The following KCNK13 variants were observed in gnomAD, a reference collection of about 807,000 sequenced individuals.
KCNK13 encodes potassium two pore domain channel subfamily K member 13.
In KCNK13, 12 loss-of-function variants were observed where a neutral mutation model predicts 23.4. The ratio of observed to expected loss-of-function variants is 0.51; its 90% confidence interval spans 0.33 to 0.83. The LOEUF is 0.83. KCNK13 is among the 40% of genes least tolerant of loss of function. The pLI, the probability that KCNK13 is intolerant of heterozygous loss-of-function variation, is 0.02. For synonymous variants in KCNK13, 231 were observed against 229.5 expected, an observed-to-expected ratio of 1.01 and a Z score of -0.06; for missense variants, 463 against 556.3, an observed-to-expected ratio of 0.83 and a Z score of 1.69.
chr14:90,170,542 A>C (rs1187543147), intron 1 of KCNK13, among the ~76,000 whole-genome samples: 1 of 152,098 alleles, frequency 6.6e-6, no homozygotes, highest in Non-Finnish European at 1.5e-5. Flanking sequence ...TTATTTGCCA[A>C]AGTTAAGCAT....
At chr14:90,138,933 A>T (rs1238830251) in intron 1 of KCNK13, among the ~76,000 whole-genome samples, 2 of 152,206 alleles carry the variant, frequency 1.3e-5, no homozygotes, top group African/African-American at 4.8e-5. Flanking sequence ...GCCAGAAAAA[A>T]ACACATCGAG....
chr14:90,089,985 C>T (rs1200256350), intron 1 of KCNK13, among the ~76,000 whole-genome samples: 3 of 152,152 alleles, frequency 2.0e-5, no homozygotes, highest in Admixed American at 6.5e-5. Context: ...CTTGAAGGGG[C>T]GGGGCTCTCA....
intron 1 of KCNK13, among the ~76,000 whole-genome samples, chr14:90,179,126 TG>T (rs1290453301): frequency 2.6e-5 from 4 of 152,210 alleles, no homozygotes; most frequent in Admixed American, 6.5e-5. Flanking sequence ...CAGTTAAAGA[TG>T]TGTCTTTATT....
At position 90,078,493 on chromosome 14, in the gene KCNK13, G is replaced by A. The variant is rs147652753; in HGVS notation, c.334+15954G>A. ...GGAGGGAAGGAAGGAAGGAAGAAAG[G>A]AGAAAGGAAAGAAAGAAAAAGAAAG... On this transcript the variant is annotated intron_variant, in intron 1 of 1. Coordinates refer to ENST00000282146, the MANE Select transcript of KCNK13 (RefSeq NM_022054.4). Among the ~76,000 whole-genome samples the A allele has an allele frequency of 9.3e-4, 140 of 151,244 alleles. 1 individual carries two copies. Among genetic ancestry groups the A allele is most frequent in the African/African-American group, 3.3e-3 (135 of 41,156 alleles).
intron 1 of KCNK13, among the ~76,000 whole-genome samples, chr14:90,138,806 T>C (rs1336476181): frequency 6.6e-6 from 1 of 152,176 alleles, no homozygotes; most frequent in African/African-American, 2.4e-5. Context: ...TCTTTCCAAT[T>C]TGCACAGATT....
chr14:90,168,915 A>G (rs1890334563), intron 1 of KCNK13, among the ~76,000 whole-genome samples: 1 of 152,150 alleles, frequency 6.6e-6, no homozygotes, highest in African/African-American at 2.4e-5. Flanking sequence ...AGTAAGTCTC[A>G]TGAGATCTGA....
intron 1 of KCNK13, among the ~76,000 whole-genome samples, chr14:90,156,883 T>C (rs1442659910): frequency 1.3e-5 from 2 of 152,168 alleles, no homozygotes; most frequent in Non-Finnish European, 2.9e-5. Context: ...TGACAATATA[T>C]GTCTCAAGGG....
chr14:90,131,103 A>G (rs2140422729), intron 1 of KCNK13, among the ~76,000 whole-genome samples: 1 of 152,312 alleles, frequency 6.6e-6, no homozygotes. Context: ...CCTGGCACAT[A>G]GTAAGGCACT....
intron 1 of KCNK13, among the ~76,000 whole-genome samples, chr14:90,171,221 A>C (rs1890361244): frequency 6.6e-6 from 1 of 152,214 alleles, no homozygotes; most frequent in Non-Finnish European, 1.5e-5. Flanking sequence ...ACTGCTAAGC[A>C]ACAGATTTAT....
intron 1 of KCNK13, among the ~76,000 whole-genome samples, chr14:90,120,423 G>A (rs1190376217): frequency 6.6e-6 from 1 of 152,194 alleles, no homozygotes; most frequent in Non-Finnish European, 1.5e-5. Flanking sequence ...ATAAAGAAAA[G>A]AGGTTTAATT....
intron 1 of KCNK13, among the ~76,000 whole-genome samples, chr14:90,076,666 G>A (rs939232897): frequency 2.6e-5 from 4 of 152,280 alleles, no homozygotes; most frequent in South Asian, 2.1e-4. Context: ...TCAATATTGT[G>A]TAGCAATGAT....
At position 90,067,395 on chromosome 14, in the gene KCNK13, G is replaced by A. The variant is rs113772789; in HGVS notation, c.334+4856G>A. Among the ~76,000 whole-genome samples the A allele has an allele frequency of 2.1e-3, 325 of 152,282 alleles. 3 individuals carry two copies. The highest frequency in any genetic ancestry group is 7.2e-3 in the African/African-American group (298 of 41,554). ...TATCATATGATTCCATTTATATGAGGTACTTAGAATAGGCAAATTCATAGA... is the reference window on the plus strand; with the variant it reads ...TATCATATGATTCCATTTATATGAGATACTTAGAATAGGCAAATTCATAGA... On this transcript the variant is annotated intron_variant, in intron 1 of 1. Transcript: ENST00000282146.
chr14:90,072,432 G>T (rs938407), intron 1 of KCNK13, among the ~76,000 whole-genome samples: 72,420 of 152,008 alleles, frequency 0.48, 18,987 homozygotes, highest in African/African-American at 0.71. Flanking sequence ...GGCATTCAGA[G>T]TCTCACTTTG....
intron 1 of KCNK13, among the ~76,000 whole-genome samples, chr14:90,112,842 T>C (rs1889631432): frequency 1.3e-5 from 2 of 151,672 alleles, no homozygotes; most frequent in African/African-American, 4.8e-5. Context: ...AGCATTCATA[T>C]AGACAAAAAG....
At chr14:90,132,292 C>G (rs1024843762) in intron 1 of KCNK13, among the ~76,000 whole-genome samples, 6 of 152,080 alleles carry the variant, frequency 3.9e-5, no homozygotes, top group Non-Finnish European at 8.8e-5. Context: ...GCCTGTAATC[C>G]CAGCACTTTG....
At chr14:90,135,935 T>C (rs1452797819) in intron 1 of KCNK13, among the ~76,000 whole-genome samples, 1 of 151,994 alleles carries the variant, frequency 6.6e-6, no homozygotes, top group Non-Finnish European at 1.5e-5. Context: ...TGTCATCACT[T>C]CTCGGGCATA....
rs1050735523 is a variant in KCNK13 at position 90,157,398 on chromosome 14, A to G, written c.335-26713A>G. ...GAAAAAAAAGTGTCGGCATTTATTT[A>G]GTTTTTAATCTTTTAGAGATGGAGT... is the stretch of plus-strand genomic sequence containing the variant. On this transcript the variant is annotated intron_variant, in intron 1 of 1. Transcript: ENST00000282146. Among the ~76,000 whole-genome samples, 4 of 152,128 alleles carry G rather than the reference A, an allele frequency of 2.6e-5. No individual in the cohort carries two copies. In the South Asian group the frequency reaches 6.2e-4, roughly 24 times the overall value.
At chr14:90,107,483 AAT>A (rs1040502946) in intron 1 of KCNK13, among the ~76,000 whole-genome samples, 2 of 151,990 alleles carry the variant, frequency 1.3e-5, no homozygotes, top group Non-Finnish European at 1.5e-5. Flanking sequence ...GTCTCAAAAA[AAT>A]ATATATATAT....
At position 90,185,031 on chromosome 14, in the gene KCNK13, C is replaced by T. The variant is rs755719755; in HGVS notation, c.*28C>T. On this transcript the variant is annotated 3_prime_UTR_variant, in exon 2 of 2. Transcript: ENST00000282146. ...GCCAGGAGTGGATGCTGGGCAGAGG[C>T]CAGAGTAGAATGGAGGATGATTGCC... is the stretch of plus-strand genomic sequence containing the variant. 1.3e-6 allele frequency: 2 copies of T among 1,528,960 alleles called. No individual in the cohort carries two copies. Among genetic ancestry groups the T allele is most frequent in the Non-Finnish European group, 1.8e-6 (2 of 1,140,206 alleles). 94.7% of individuals were successfully genotyped at this position (1,528,960 alleles called of 1,614,324 possible).
Sources: gnomAD v4.1 joint callset for allele counts (sites outside exome capture counted in the v4.1 genomes callset) on GRCh38, gnomAD v4.1.1 for gene constraint, MANE v1.5 for transcripts, NCBI Gene and HGNC (gene_info 2026-07-23, HGNC 2026-07-21) for gene names.